Variants in CD1B observed in about 807,000 individuals in gnomAD.
The protein encoded by CD1B is CD1b molecule.
Under a neutral mutation model 39.8 loss-of-function variants are expected in CD1B, and 43 were observed. The observed-to-expected ratio is 1.08, with a 90% CI of 0.85 to 1.39. The LOEUF is 1.39. Among genes scored for constraint, CD1B ranks in the 40% most tolerant of loss-of-function variants. The pLI, the probability that CD1B is intolerant of heterozygous loss-of-function variation, is 0.00. For missense variants in CD1B, 495 were observed against 403.8 expected (o/e 1.23, Z -1.94); for synonymous variants, 192 against 152.5 (o/e 1.26, Z -1.91).
At position 158,329,553 on chromosome 1, in the gene CD1B, A is replaced by G; in HGVS notation, c.703T>C (p.Trp235Arg). Residue 235 changes from tryptophan (W) to arginine (R), a missense_variant, in exon 4 of 6, where the codon TGG (tryptophan) becomes CGG (arginine). By Grantham distance (101) the Trp-to-Arg change is moderately radical. Transcript: ENST00000368168. ...TGCTCACCCCGCATCCACATCACCC[A>G]CACGGGCTTTGGGTAGAATCCTGAG... ...HVSGFYPKPV[W>R]VMWMRGEQEQ... 1 of 1,614,088 alleles carries G rather than the reference A, an allele frequency of 6.2e-7. No homozygotes were observed. The highest frequency in any genetic ancestry group is 8.5e-7 in the Non-Finnish European group (1 of 1,180,018).
At chr1:158,291,996 C>G in the CD1B span, 1 of 1,353,502 alleles carries the variant, frequency 7.4e-7, no homozygotes, top group Non-Finnish European at 1.0e-6. Context: ...AACTTTCTTG[C>G]TTCACTTCCT....
the CD1B span, among the ~76,000 whole-genome samples, chr1:158,319,351 C>T: frequency 1.6e-3 from 251 of 152,228 alleles, no homozygotes; most frequent in African/African-American, 5.5e-3. Context: ...TTCTTGGAGG[C>T]TTTGTTGATT....
In CD1B at chr1:158,328,040, G is replaced by T; in HGVS notation, c.*196C>A. On this transcript the variant is annotated 3_prime_UTR_variant, in exon 6 of 6. Transcript: ENST00000368168. The stretch of plus-strand genomic sequence containing the variant: ...AAAATCAGGGTGAATCACACTGTTA[G>T]TACAGTCTCATAATAAATTTACAGT... 1 of 559,454 alleles carries T rather than the reference G, an allele frequency of 1.8e-6. No homozygotes were observed. The allele number at this position is 559,454 out of a possible 1,614,324, so 34.7% of individuals were successfully genotyped here. A position where few individuals can be genotyped will look rare whatever the true frequency, so the allele number is the denominator to read the frequency against.
Position 158,329,947 on chromosome 1 carries a change from C to T in CD1B, c.512G>A (p.Gly171Asp), listed in dbSNP as rs1451333902. The change falls in exon 3 of 6, where the codon GGT becomes GAT. Residue 171 changes from glycine (G) to aspartate (D), a missense_variant. Physicochemically the swap from Gly to Asp is moderately conservative, Grantham distance 94. Coordinates refer to ENST00000368168, the MANE Select transcript of CD1B (RefSeq NM_001764.3). Reference sequence around the variant, plus strand: ...GAGAATTCTCACAGTTTCCATGATACCTTGATATTGTATGATTAGTGCACA... The same window carrying T: ...GAGAATTCTCACAGTTTCCATGATATCTTGATATTGTATGATTAGTGCACA... ...KFCALIIQYQ[G>D]IMETVRILLY... 1.9e-6 allele frequency: 3 copies of T among 1,614,076 alleles called. No homozygotes were observed. Among genetic ancestry groups the T allele is most frequent in the South Asian group, 2.2e-5 (2 of 91,078 alleles).
intron 2 of CD1B, 148 bp from the exon 3 acceptor site, chr1:158,330,278 A>G (rs893759539): frequency 8.0e-6 from 6 of 751,756 alleles, no homozygotes; most frequent in Non-Finnish European, 1.3e-5. Flanking sequence ...ACATTTAGAC[A>G]TTTTCAGAAA....
chr1:158,303,929 T>C, the CD1B span, among the ~76,000 whole-genome samples: 1 of 152,056 alleles, frequency 6.6e-6, no homozygotes, highest in African/African-American at 2.4e-5. Context: ...TATTCTAAAA[T>C]TCATACAGAA....
the CD1B span, among the ~76,000 whole-genome samples, chr1:158,306,470 C>A: frequency 6.6e-6 from 1 of 152,146 alleles, no homozygotes; most frequent in Non-Finnish European, 1.5e-5. Context: ...GACTCCCACA[C>A]AATAATAATG....
At chr1:158,287,423 A>C in the CD1B span, among the ~76,000 whole-genome samples, 4 of 152,132 alleles carry the variant, frequency 2.6e-5, no homozygotes, top group African/African-American at 9.7e-5. Flanking sequence ...TTTAGACATG[A>C]GATTGACATT....
chr1:158,329,643 G>T lies in CD1B; in HGVS notation c.613C>A (p.Pro205Thr). The T allele has an allele frequency of 6.2e-7, 1 of 1,613,702 alleles. No individual in the cohort carries two copies. The highest frequency in any genetic ancestry group is 8.5e-7 in the Non-Finnish European group (1 of 1,179,720). ...GGGCCACTGGACAGCCAGGCCTCAG[G>T]CTTCACTAAGGCAGGAAGGAGAAAA... ...GKADLQRQVKPEAWLSSGPSP... is the reference protein window; with the variant it reads ...GKADLQRQVKTEAWLSSGPSP... Residue 205 changes from proline to threonine, a missense_variant, in exon 4 of 6, where the codon CCT becomes ACT. Coordinates refer to ENST00000368168, the MANE Select transcript of CD1B (RefSeq NM_001764.3).
chr1:158,312,111 T>G, the CD1B span, among the ~76,000 whole-genome samples: 1 of 152,174 alleles, frequency 6.6e-6, no homozygotes, highest in Admixed American at 6.6e-5. Flanking sequence ...CAATGCCAAT[T>G]ATTTCAATCT....
At chr1:158,314,981 TGAA>T in the CD1B span, among the ~76,000 whole-genome samples, 6 of 148,120 alleles carry the variant, frequency 4.1e-5, no homozygotes, top group Non-Finnish European at 8.9e-5. Context: ...ACAAAGGACA[TGAA>T]CTCATCATTT....
chr1:158,307,765 C>A, the CD1B span, among the ~76,000 whole-genome samples: 3 of 152,142 alleles, frequency 2.0e-5, no homozygotes, highest in Non-Finnish European at 4.4e-5. Flanking sequence ...CTTGAAAAGT[C>A]CTTTGACAAA....
chr1:158,292,577 C>G, the CD1B span: 8 of 1,607,578 alleles, frequency 5.0e-6, no homozygotes, highest in Admixed American at 1.7e-5. Context: ...CATCAGAACA[C>G]TTTTTCTGCT....
chr1:158,318,127 A>G, the CD1B span, among the ~76,000 whole-genome samples: 1 of 152,156 alleles, frequency 6.6e-6, no homozygotes, highest in Non-Finnish European at 1.5e-5. Flanking sequence ...TGCTGAAAAA[A>G]ATGTATATTC....
the CD1B span, among the ~76,000 whole-genome samples, chr1:158,309,994 A>G: frequency 6.6e-6 from 1 of 151,834 alleles, no homozygotes; most frequent in African/African-American, 2.4e-5. Flanking sequence ...TAAAAAAAAA[A>G]GAGTCTGAAC....
Position 158,329,889 on chromosome 1 carries a change from G to A in CD1B, c.570C>T (p.Gly190=), listed in dbSNP as rs550858176. Residue 190 remains glycine, a synonymous_variant, in exon 3 of 6, where the codon GGC becomes GGT. Transcript: ENST00000368168. ...GATCTGCTTTTCCTGCATTGAGGAC[G>A]CCCAAGAGATATCGGGGGCAGGTTT... ...LYETCPRYLL[G]VLNAGKADLQ... The A allele has an allele frequency of 5.8e-5, 94 of 1,614,028 alleles. No homozygotes were observed. Among genetic ancestry groups the A allele is most frequent in the Non-Finnish European group, 6.8e-5 (80 of 1,179,990 alleles).
chr1:158,326,640 A>G (rs891900395), downstream of CD1B, among the ~76,000 whole-genome samples: 6 of 152,170 alleles, frequency 3.9e-5, no homozygotes, highest in Non-Finnish European at 8.8e-5. Context: ...AAAAAAGTCT[A>G]TATGTTACAG....
At chr1:158,325,036 T>C (rs1189536208), downstream of CD1B, among the ~76,000 whole-genome samples, 1 of 152,156 alleles carries the variant, frequency 6.6e-6, no homozygotes, top group Non-Finnish European at 1.5e-5. Context: ...AAAGCATTCA[T>C]TCTCTTGAGA....
chr1:158,296,012 C>A, the CD1B span, among the ~76,000 whole-genome samples: 1 of 152,142 alleles, frequency 6.6e-6, no homozygotes, highest in African/African-American at 2.4e-5. Flanking sequence ...ACACTACCAT[C>A]CCTGGTGTAC....
Sources: allele counts gnomAD v4.1 joint callset (sites outside exome capture counted in the v4.1 genomes callset), GRCh38; gene constraint gnomAD v4.1.1; transcripts MANE v1.5; gene names NCBI Gene and HGNC (gene_info 2026-07-23, HGNC 2026-07-21).